ALK: variants seen among roughly 807,000 people sequenced by gnomAD.
The protein encoded by ALK is ALK tyrosine kinase receptor.
Under a neutral mutation model 163.1 loss-of-function variants are expected in ALK, and 74 were observed. The ratio of observed to expected loss-of-function variants is 0.45; its 90% CI spans 0.38 to 0.55. The LOEUF is 0.55. Ranked by LOEUF, ALK falls within the 20% of genes least tolerant of loss-of-function variation. The pLI, the probability that ALK is intolerant of heterozygous loss-of-function variation, is 0.00. For synonymous variants in ALK, 960 were observed against 843.2 expected (o/e 1.14, Z -2.40); for missense variants, 2,063 against 2,105.3 (o/e 0.98, Z 0.39).
intron 1 of ALK, among the ~76,000 whole-genome samples, chr2:29,743,619 T>C (rs1389799948): frequency 3.3e-5 from 5 of 152,204 alleles, no homozygotes; most frequent in Non-Finnish European, 7.3e-5. Context: ...AACATGACCC[T>C]TAAATTGATT....
intron 5 of ALK, among the ~76,000 whole-genome samples, chr2:29,368,864 T>A (rs573579604): frequency 4.3e-4 from 65 of 152,210 alleles, no homozygotes; most frequent in Non-Finnish European, 8.8e-4. Context: ...GGCAAAAGCC[T>A]AGTCAAAACT....
At chr2:29,881,111 T>C (rs1026870358) in intron 1 of ALK, among the ~76,000 whole-genome samples, 2 of 152,042 alleles carry the variant, frequency 1.3e-5, no homozygotes, top group African/African-American at 2.4e-5. Flanking sequence ...TCATGCTAGA[T>C]GCACCTGCAA....
intron 3 of ALK, among the ~76,000 whole-genome samples, chr2:29,599,345 G>A (rs1188183840): frequency 1.3e-5 from 2 of 152,218 alleles, no homozygotes; most frequent in South Asian, 2.1e-4. Context: ...CAAAGTCAAC[G>A]AGGAACTAAC....
At chr2:29,298,756 C>G (rs1474016273) in intron 8 of ALK, among the ~76,000 whole-genome samples, 1 of 152,018 alleles carries the variant, frequency 6.6e-6, no homozygotes, top group African/African-American at 2.4e-5. Context: ...TTTTGTGGGC[C>G]CAGTGTTTAT....
At chr2:29,409,851 C>G (rs2148321290) in intron 4 of ALK, among the ~76,000 whole-genome samples, 1 of 152,300 alleles carries the variant, frequency 6.6e-6, no homozygotes, top group East Asian at 1.9e-4. Flanking sequence ...GTTCATTTCT[C>G]TACCCCATTA....
chr2:29,479,700 C>A (rs1458515663), intron 4 of ALK, among the ~76,000 whole-genome samples: 2 of 152,182 alleles, frequency 1.3e-5, no homozygotes, highest in Non-Finnish European at 2.9e-5. Flanking sequence ...CAGGGTCACA[C>A]AGGGGGACAT....
At chr2:29,380,521 C>T (rs987216903) in intron 5 of ALK, among the ~76,000 whole-genome samples, 2 of 151,530 alleles carry the variant, frequency 1.3e-5, no homozygotes, top group East Asian at 1.9e-4. Flanking sequence ...CAGGTTCAAG[C>T]GATTCTCCTG....
At chr2:29,856,300 G>T (rs934988936) in intron 1 of ALK, among the ~76,000 whole-genome samples, 2 of 152,184 alleles carry the variant, frequency 1.3e-5, no homozygotes, top group Non-Finnish European at 2.9e-5. Flanking sequence ...TAGAGTCATT[G>T]TGAAGAATAA....
At chr2:29,442,176 T>C (rs1670562982) in intron 4 of ALK, among the ~76,000 whole-genome samples, 1 of 152,120 alleles carries the variant, frequency 6.6e-6, no homozygotes, top group East Asian at 1.9e-4. Flanking sequence ...ATAATGACAC[T>C]TGACCGGTAA....
At position 29,532,137 on chromosome 2, in the gene ALK, C is replaced by T. The variant is rs62131079; in HGVS notation, c.953-21G>A. 0.021 allele frequency: 34,383 copies of T among 1,611,138 alleles called. 434 individuals carry two copies. Among genetic ancestry groups the T allele is most frequent in the Non-Finnish European group, 0.025 (29,526 of 1,177,918 alleles). ...GGAGCCTGGAAAGAGACAGGGAAAA[C>T]GAATCTGCAGATGTGTTCAGGTAAG... On this transcript the variant is annotated intron_variant, in intron 3 of 28. Coordinates refer to ENST00000389048, the MANE Select transcript of ALK (RefSeq NM_004304.5).
intron 11 of ALK, among the ~76,000 whole-genome samples, chr2:29,258,289 T>C (rs1665001027): frequency 2.0e-5 from 3 of 152,238 alleles, no homozygotes; most frequent in East Asian, 3.8e-4. Context: ...TCATGTTCTT[T>C]CATCAGGAGA....
intron 3 of ALK, among the ~76,000 whole-genome samples, chr2:29,571,639 T>C (rs1674376241): frequency 7.5e-6 from 1 of 133,384 alleles, no homozygotes; most frequent in Admixed American, 7.7e-5. Context: ...TTTTTTGAGA[T>C]GTTGTCTCAT....
intron 1 of ALK, among the ~76,000 whole-genome samples, chr2:29,728,366 G>T (rs1368194403): frequency 6.6e-6 from 1 of 152,236 alleles, no homozygotes; most frequent in East Asian, 1.9e-4. Flanking sequence ...CATACTTCCT[G>T]AGTATCTCCT....
chr2:29,262,441 C>A (rs1665112050), intron 11 of ALK, among the ~76,000 whole-genome samples: 1 of 152,224 alleles, frequency 6.6e-6, no homozygotes, highest in Non-Finnish European at 1.5e-5. Flanking sequence ...TACACACCCA[C>A]CCCGTTCATT....
chr2:29,467,663 C>A (rs1671245219), intron 4 of ALK, among the ~76,000 whole-genome samples: 2 of 152,176 alleles, frequency 1.3e-5, no homozygotes, highest in Admixed American at 6.5e-5. Flanking sequence ...GCCCTGAGAT[C>A]TTTTCAGGGA....
rs151126814 is a variant in ALK at position 29,379,122 on chromosome 2, T to A, written c.1282+4610A>T. Among the ~76,000 whole-genome samples, 21 of 152,304 alleles carry A rather than the reference T, an allele frequency of 1.4e-4. 1 individual carries two copies. The highest frequency in any genetic ancestry group is 3.8e-4 in the African/African-American group (16 of 41,566). ...GGGTCCCGGTGAGTGTCCTGCGTGA[T>A]CCTATTGCTCTGGGTTGTCTGCTCA... On this transcript the variant is annotated intron_variant, in intron 5 of 28. Coordinates refer to ENST00000389048, the MANE Select transcript of ALK (RefSeq NM_004304.5).
intron 11 of ALK, among the ~76,000 whole-genome samples, chr2:29,253,696 T>C (rs1428612829): frequency 6.6e-6 from 1 of 152,178 alleles, no homozygotes; most frequent in East Asian, 1.9e-4. Flanking sequence ...TCCTTATCTA[T>C]AGTTCCTTGA....
intron 1 of ALK, among the ~76,000 whole-genome samples, chr2:29,770,365 G>A (rs993557497): frequency 1.3e-5 from 2 of 152,154 alleles, no homozygotes; most frequent in African/African-American, 2.4e-5. Context: ...TAACAAAGTC[G>A]TCCAGTCACA....
intron 1 of ALK, among the ~76,000 whole-genome samples, chr2:29,829,063 G>T (rs1308181475): frequency 1.3e-5 from 2 of 150,376 alleles, no homozygotes; most frequent in Admixed American, 6.7e-5. Context: ...ACTATCGCAA[G>T]GACAAAAAAC....
Sources: gnomAD v4.1 joint callset for allele counts (sites outside exome capture counted in the v4.1 genomes callset) on GRCh38, gnomAD v4.1.1 for gene constraint, MANE v1.5 for transcripts, NCBI Gene and HGNC (gene_info 2026-07-23, HGNC 2026-07-21) for gene names.